The following SORCS1 variants were observed in gnomAD, a reference collection of about 807,000 sequenced individuals.
The protein encoded by SORCS1 is sortilin related VPS10 domain containing receptor 1.
In SORCS1, 60 loss-of-function variants were observed where a neutral mutation model predicts 146.1. That is an observed-to-expected ratio of 0.41 (90% CI 0.33 to 0.51). The LOEUF is 0.51. Among genes scored for constraint, SORCS1 ranks in the 20% least tolerant of loss-of-function variants. The pLI, the probability that SORCS1 is intolerant of heterozygous loss-of-function variation, is 0.21. For synonymous variants in SORCS1, 637 were observed against 584.0 expected, an observed-to-expected ratio of 1.09 and a Z score of -1.31; for missense variants, 1,352 against 1,487.6, an observed-to-expected ratio of 0.91 and a Z score of 1.50.
chr10:106,996,395 A>C (rs1440318888), intron 1 of SORCS1, among the ~76,000 whole-genome samples: 1 of 152,174 alleles, frequency 6.6e-6, no homozygotes, highest in African/African-American at 2.4e-5. Context: ...CAATTTAAAT[A>C]ATTATAAAAT....
rs768427500 is a variant in SORCS1, at chr10:106,761,625, G to C, written c.922C>G (p.Leu308Val). Residue 308 changes from leucine (L) to valine (V), a missense_variant, in exon 5 of 26, where the codon CTT becomes GTT. Coordinates refer to ENST00000263054, the MANE Select transcript of SORCS1 (RefSeq NM_052918.5). ...SSAEFGRRWQ[L>V]IQEGVVPNRF... is the part of the protein sequence containing the mutation. ...TTTGGTACAACCCCTTCTTGGATAA[G>C]CTGCCATCTTCTCCCAAATTCAGCA... The C allele has an allele frequency of 3.1e-6, 5 of 1,614,024 alleles. No homozygotes were observed. The highest frequency in any genetic ancestry group is 4.5e-5 in the East Asian group (2 of 44,884).
chr10:107,022,513 C>G (rs1174619401), intron 1 of SORCS1, among the ~76,000 whole-genome samples: 1 of 151,938 alleles, frequency 6.6e-6, no homozygotes, highest in Non-Finnish European at 1.5e-5. Flanking sequence ...AAGGCAAGCT[C>G]CTTGGACTCA....
chr10:107,076,131 G>T (rs1008015352), intron 1 of SORCS1, among the ~76,000 whole-genome samples: 4 of 152,076 alleles, frequency 2.6e-5, no homozygotes, highest in Non-Finnish European at 5.9e-5. Flanking sequence ...GCTGCCCACA[G>T]GTTAGTGATA....
chr10:107,154,680 C>T (rs1334977260), intron 1 of SORCS1, among the ~76,000 whole-genome samples: 1 of 152,090 alleles, frequency 6.6e-6, no homozygotes, highest in African/African-American at 2.4e-5. Context: ...CCGAGAGAAC[C>T]TAAATGCAGA....
At chr10:106,792,699 T>C (rs957128503) in intron 3 of SORCS1, among the ~76,000 whole-genome samples, 1 of 152,228 alleles carries the variant, frequency 6.6e-6, no homozygotes, top group African/African-American at 2.4e-5. Flanking sequence ...AAAATTTGTC[T>C]AAAACATAAG....
rs1963792497 is a variant in SORCS1 at position 107,086,747 on chromosome 10, C to T, written c.558+77222G>A. Among the ~76,000 whole-genome samples the T allele has an allele frequency of 3.3e-5, 5 of 152,168 alleles. No homozygotes were observed. In the South Asian group the frequency reaches 1.0e-3, roughly 32 times the overall value. Reference sequence around the variant, plus strand: ...ACTCCACCTAGAAAATATTACCAGACACATGGGTTCAGTGGCTCACGCCTG... The same window carrying T: ...ACTCCACCTAGAAAATATTACCAGATACATGGGTTCAGTGGCTCACGCCTG... On this transcript the variant is annotated intron_variant, in intron 1 of 25. Coordinates refer to ENST00000263054, the MANE Select transcript of SORCS1 (RefSeq NM_052918.5).
intron 18 of SORCS1, among the ~76,000 whole-genome samples, chr10:106,652,076 G>A (rs959820004): frequency 5.3e-5 from 8 of 152,164 alleles, no homozygotes; most frequent in Admixed American, 2.0e-4. Context: ...TGTTATTTAT[G>A]TATTCTGAGA....
intron 18 of SORCS1, among the ~76,000 whole-genome samples, chr10:106,631,585 G>A (rs944083977): frequency 6.6e-6 from 1 of 152,166 alleles, no homozygotes; most frequent in Non-Finnish European, 1.5e-5. Context: ...CCACTAGAGA[G>A]GGGGGAGGAC....
At chr10:107,114,062 C>A (rs1374689736) in intron 1 of SORCS1, among the ~76,000 whole-genome samples, 1 of 151,988 alleles carries the variant, frequency 6.6e-6, no homozygotes, top group African/African-American at 2.4e-5. Context: ...TAAATAAATT[C>A]CTAGAAACAT....
intron 2 of SORCS1, among the ~76,000 whole-genome samples, chr10:106,918,745 T>G (rs1952563677): frequency 6.6e-6 from 1 of 152,232 alleles, no homozygotes; most frequent in African/African-American, 2.4e-5. Context: ...TGAAAAAGTT[T>G]TATACTTAAT....
chr10:107,033,323 C>G (rs1466859822), intron 1 of SORCS1, among the ~76,000 whole-genome samples: 1 of 152,076 alleles, frequency 6.6e-6, no homozygotes. Context: ...CACTGAGGAT[C>G]GCAACTCGAA....
At chr10:107,171,880 C>G in the SORCS1 span, among the ~76,000 whole-genome samples, 1 of 152,170 alleles carries the variant, frequency 6.6e-6, no homozygotes, top group African/African-American at 2.4e-5. Flanking sequence ...TATGAATGAG[C>G]TTTAATAAGC....
chr10:106,593,490 T>C (rs1845734841), intron 24 of SORCS1, among the ~76,000 whole-genome samples: 1 of 152,138 alleles, frequency 6.6e-6, no homozygotes. Context: ...CCAAACTCAA[T>C]ATAGCAAAAG....
intron 5 of SORCS1, among the ~76,000 whole-genome samples, chr10:106,737,320 C>G (rs192185713): frequency 3.0e-4 from 46 of 152,318 alleles, no homozygotes; most frequent in African/African-American, 9.9e-4. Flanking sequence ...TCCCCACTTT[C>G]CCTTTTCTAA....
chr10:106,807,365 G>C (rs1441450893), intron 3 of SORCS1, among the ~76,000 whole-genome samples: 1 of 152,214 alleles, frequency 6.6e-6, no homozygotes. Context: ...TGGCATTTAA[G>C]ACATGATAAA....
At position 106,667,919 on chromosome 10, in the gene SORCS1, A is replaced by G. The variant is rs1851292667; in HGVS notation, c.2190-117T>C. On this transcript the variant is annotated intron_variant, in intron 16 of 25. Coordinates refer to ENST00000263054, the MANE Select transcript of SORCS1 (RefSeq NM_052918.5). Reference sequence around the variant, plus strand: ...TCAATTAGTCATAACAAACAAAAATAAAAACAAAAAAAAAAAACACAAGCA... The same window carrying G: ...TCAATTAGTCATAACAAACAAAAATGAAAACAAAAAAAAAAAACACAAGCA... The G allele has an allele frequency of 7.5e-5, 36 of 479,726 alleles. No homozygotes were observed. The South Asian group carries it at 9.1e-4, about 12-fold the overall frequency. The allele number at this position is 479,726 out of a possible 1,614,324, so 29.7% of individuals were successfully genotyped here.
At chr10:106,675,786 G>A (rs182099727) in intron 13 of SORCS1, among the ~76,000 whole-genome samples, 12 of 152,244 alleles carry the variant, frequency 7.9e-5, no homozygotes, top group Non-Finnish European at 1.5e-4. Flanking sequence ...GACCTTGGGA[G>A]GTGATTAGAT....
intron 1 of SORCS1, among the ~76,000 whole-genome samples, chr10:106,962,306 A>C (rs1342927965): frequency 2.7e-5 from 4 of 146,762 alleles, no homozygotes; most frequent in Non-Finnish European, 5.9e-5. Context: ...GCTGAGGCAG[A>C]ATTGCTTGAA....
intron 1 of SORCS1, among the ~76,000 whole-genome samples, chr10:107,163,139 T>C (rs1392098398): frequency 6.6e-6 from 1 of 152,250 alleles, no homozygotes; most frequent in Non-Finnish European, 1.5e-5. Context: ...CTAAGTCCCC[T>C]GGAATCCAGC....
Sources: gnomAD v4.1 joint callset for allele counts (sites outside exome capture counted in the v4.1 genomes callset) on GRCh38, gnomAD v4.1.1 for gene constraint, MANE v1.5 for transcripts, NCBI Gene and HGNC (gene_info 2026-07-23, HGNC 2026-07-21) for gene names.